ATP5MC3: variants seen among roughly 807,000 people sequenced by gnomAD.
The protein encoded by ATP5MC3 is ATP synthase F(0) complex subunit C3, mitochondrial.
Under a neutral mutation model 15.6 loss-of-function variants are expected in ATP5MC3, and 6 were observed. The ratio of observed to expected loss-of-function variants is 0.38; its 90% CI spans 0.21 to 0.76. The LOEUF is 0.76. ATP5MC3 is among the 30% of genes least tolerant of loss of function. ATP5MC3 has a pLI of 0.44. For synonymous variants in ATP5MC3, 66 were observed against 63.3 expected (o/e 1.04, Z -0.20); for missense variants, 132 against 171.2 (o/e 0.77, Z 1.28).
intron 4 of ATP5MC3, chr2:175,178,610 T>G: frequency 1.6e-6 from 2 of 1,288,212 alleles, no homozygotes; most frequent in Non-Finnish European, 2.0e-6. Flanking sequence ...TATAAATGGT[T>G]AGTTTTCATT....
Position 175,181,455 on chromosome 2 carries a change from C to T in ATP5MC3, c.-62G>A. 3 of 1,599,582 alleles carry T rather than the reference C, an allele frequency of 1.9e-6. No individual in the cohort carries two copies. Among genetic ancestry groups the T allele is most frequent in the South Asian group, 2.2e-5 (2 of 89,242 alleles). ...GGTGACAGGCGACGTGGGCTCCTCTCCCGCTTCCTCTCTGCGGAGGAAAAG... is the reference window on the plus strand; with the variant it reads ...GGTGACAGGCGACGTGGGCTCCTCTTCCGCTTCCTCTCTGCGGAGGAAAAG... On this transcript the variant is annotated 5_prime_UTR_variant, in exon 2 of 5. Coordinates refer to ENST00000284727, the MANE Select transcript of ATP5MC3 (RefSeq NM_001689.5).
At position 175,179,559 on chromosome 2, in the gene ATP5MC3, A is replaced by C. The variant is rs148811634; in HGVS notation, c.121-309T>G. On this transcript the variant is annotated intron_variant, in intron 3 of 4. Coordinates refer to ENST00000284727, the MANE Select transcript of ATP5MC3 (RefSeq NM_001689.5). ...TCTGTCACCCAGGCTGGAGTGCAGT[A>C]CAGTGTGGTGTGATCATAGCTCACT... is the stretch of plus-strand genomic sequence containing the variant. 450 of 282,024 alleles carry C rather than the reference A, an allele frequency of 1.6e-3. 2 individuals carry two copies. Among genetic ancestry groups the C allele is most frequent in the African/African-American group, 9.4e-3 (426 of 45,108 alleles). The allele number at this position is 282,024 out of a possible 1,614,324, so 17.5% of individuals were successfully genotyped here.
rs899121394 is a variant in ATP5MC3, at chr2:175,178,184, G to A, written c.*104C>T. On this transcript the variant is annotated 3_prime_UTR_variant, in exon 5 of 5. Transcript: ENST00000284727. ...TTAATGAAATGACTTTGGAAATAAC[G>A]TACATTCCCATGACACCAATACTAC... is the stretch of plus-strand genomic sequence containing the variant. The A allele has an allele frequency of 6.9e-5, 102 of 1,473,992 alleles. No homozygotes were observed. Among genetic ancestry groups the A allele is most frequent in the South Asian group, 2.0e-4 (13 of 66,612 alleles). The allele number at this position is 1,473,992 out of a possible 1,614,324, so 91.3% of individuals were successfully genotyped here. A position where few individuals can be genotyped will look rare whatever the true frequency, so the allele number is the denominator to read the frequency against.
intron 2 of ATP5MC3, among the ~76,000 whole-genome samples, chr2:175,180,665 T>C (rs1700755992): frequency 6.6e-6 from 1 of 152,158 alleles, no homozygotes; most frequent in African/African-American, 2.4e-5. Context: ...CAATTCTACA[T>C]CAGTTTAAGA....
rs1034137576 is a variant in ATP5MC3, at chr2:175,177,968, A to G, written c.*320T>C. The G allele has an allele frequency of 4.6e-5, 8 of 173,582 alleles. No homozygotes were observed. Among genetic ancestry groups the G allele is most frequent in the Non-Finnish European group, 9.6e-5 (8 of 83,454 alleles). 10.8% of individuals were successfully genotyped at this position (173,582 alleles called of 1,614,324 possible). On this transcript the variant is annotated 3_prime_UTR_variant, in exon 5 of 5. Transcript: ENST00000284727. ...CTTTATATGAATAAACAAAAGCCCT[A>G]TGAATTACAATATGCAGAACACTAT...
chr2:175,181,503 C>T, intron 1 of ATP5MC3, 37 bp from the exon 2 acceptor site: 2 of 1,373,802 alleles, frequency 1.5e-6, no homozygotes, highest in Non-Finnish European at 2.0e-6. Flanking sequence ...AAGTGCCCTC[C>T]AGGGGCCTGT....
At chr2:175,180,004 A>C (rs1237532482) in intron 3 of ATP5MC3, 94 bp downstream of exon 3, 19 of 1,106,518 alleles carry the variant, frequency 1.7e-5, no homozygotes, top group Non-Finnish European at 2.3e-5. Flanking sequence ...ACTTGCCCTC[A>C]AACTCTTATT....
chr2:175,181,640 T>C lies in ATP5MC3; in HGVS notation c.-74+16A>G, dbSNP rs779804913. On this transcript the variant is annotated intron_variant, in intron 1 of 4. Coordinates refer to ENST00000284727, the MANE Select transcript of ATP5MC3 (RefSeq NM_001689.5). Reference sequence around the variant, plus strand: ...TCCGCCCTGGCCAGGCCGGGCTCCCTGTGCCCTCCACTTACCTTCCCAGGA... The same window carrying C: ...TCCGCCCTGGCCAGGCCGGGCTCCCCGTGCCCTCCACTTACCTTCCCAGGA... 102 of 517,722 alleles carry C rather than the reference T, an allele frequency of 2.0e-4. No individual in the cohort carries two copies. The highest frequency in any genetic ancestry group is 3.0e-4 in the Non-Finnish European group (87 of 294,642). The allele number at this position is 517,722 out of a possible 1,614,324, so 32.1% of individuals were successfully genotyped here.
chr2:175,178,504 G>C, intron 4 of ATP5MC3, 102 bp from the exon 5 acceptor site: 1 of 1,462,700 alleles, frequency 6.8e-7, no homozygotes, highest in Non-Finnish European at 9.0e-7. Flanking sequence ...TTTGTAAACT[G>C]AAAAGTCTGC....
chr2:175,178,969 C>T (rs535801164), intron 4 of ATP5MC3, 88 bp downstream of exon 4: 1 of 1,535,716 alleles, frequency 6.5e-7, no homozygotes, highest in East Asian at 2.3e-5. Context: ...AGAGTAAGCA[C>T]TTAATGCAAA....
In ATP5MC3 at chr2:175,181,366, TGCAGGCGAGCTTGGC is replaced by T; in HGVS notation, c.13_27del (p.Ala5_Cys9del). ...CCTGGGCTACGCACCAGAGAGGGGG[TGCAGGCGAGCTTGGC>T]GCAGGCGAACATCTTACACTCTTCG... On this transcript the variant is annotated inframe_deletion, in exon 2 of 5. Transcript: ENST00000284727. The T allele has an allele frequency of 6.2e-7, 1 of 1,613,580 alleles. No individual in the cohort carries two copies. The highest frequency in any genetic ancestry group is 8.5e-7 in the Non-Finnish European group (1 of 1,179,852).
chr2:175,181,360 A>G lies in ATP5MC3; in HGVS notation c.34T>C (p.Ser12Pro). 1.2e-6 allele frequency: 2 copies of G among 1,613,722 alleles called. No individual in the cohort carries two copies. The highest frequency in any genetic ancestry group is 1.7e-6 in the Non-Finnish European group (2 of 1,179,866). ...ACCCTGCCTGGGCTACGCACCAGAG[A>G]GGGGGTGCAGGCGAGCTTGGCGCAG... ...FACAKLACTP[S>P]LIRAGSRVAY... is the part of the protein sequence containing the mutation. Residue 12 changes from serine (S) to proline (P), a missense_variant, in exon 2 of 5, where the codon TCT (serine) becomes CCT (proline). Around this residue, in one of 2 missense-constraint regions of ATP5MC3, gnomAD observed 90 missense variants for 86.2 expected, o/e 1.04. Transcript: ENST00000284727.
rs268222 is a variant in ATP5MC3 at position 175,177,235 on chromosome 2, A to T, written c.*1053T>A. On this transcript the variant is annotated 3_prime_UTR_variant, in exon 5 of 5. Coordinates refer to ENST00000284727, the MANE Select transcript of ATP5MC3 (RefSeq NM_001689.5). ...TTTAAACAAGCACTGATTCTGATGG[A>T]GGTGGTCTTCCGACACTTGAGGAAC... 0.99 allele frequency: 150,156 copies of T among 152,284 alleles called. 74,056 individuals carry two copies. Among genetic ancestry groups the T allele is most frequent in the East Asian group, 1 (5,190 of 5,190 alleles). 9.4% of individuals were successfully genotyped at this position (152,284 alleles called of 1,614,324 possible). A position where few individuals can be genotyped will look rare whatever the true frequency, so the allele number is the denominator to read the frequency against.
chr2:175,181,473 A>G lies in ATP5MC3; in HGVS notation c.-73-7T>C. On this transcript the variant is annotated splice_region_variant and splice_polypyrimidine_tract_variant and intron_variant, in intron 1 of 4. Coordinates refer to ENST00000284727, the MANE Select transcript of ATP5MC3 (RefSeq NM_001689.5). Reference sequence around the variant, plus strand: ...CTCCTCTCCCGCTTCCTCTCTGCGGAGGAAAAGAGGCTTAAGGTCAAGTGC... The same window carrying G: ...CTCCTCTCCCGCTTCCTCTCTGCGGGGGAAAAGAGGCTTAAGGTCAAGTGC... 1.3e-6 allele frequency: 2 copies of G among 1,568,562 alleles called. 1 individual carries two copies. The highest frequency in any genetic ancestry group is 2.3e-5 in the South Asian group (2 of 86,842).
At chr2:175,180,377 G>A (rs1375818045) in intron 2 of ATP5MC3, among the ~76,000 whole-genome samples, 199 bp from the exon 3 acceptor site, 2 of 152,094 alleles carry the variant, frequency 1.3e-5, no homozygotes, top group African/African-American at 2.4e-5. Flanking sequence ...AAATTGTAAC[G>A]CTTGCTACCT....
chr2:175,179,733 G>A (rs910822686), intron 3 of ATP5MC3: 4 of 209,740 alleles, frequency 1.9e-5, no homozygotes, highest in Non-Finnish European at 3.7e-5. Context: ...TTGAACTCCT[G>A]GGGTCAAGCA....
intron 1 of ATP5MC3, 65 bp from the exon 2 acceptor site, chr2:175,181,531 C>T (rs1700773435): frequency 3.0e-6 from 3 of 992,586 alleles, no homozygotes; most frequent in Non-Finnish European, 4.4e-6. Context: ...ACCCAGGCCC[C>T]GCAGGCTCCC....
At chr2:175,181,303 T>C (rs1197987557) in intron 2 of ATP5MC3, 52 bp downstream of exon 2, 20 of 1,596,446 alleles carry the variant, frequency 1.3e-5, no homozygotes, top group Non-Finnish European at 1.6e-5. Context: ...GTGGACGCTC[T>C]AGGCCAAAAC....
chr2:175,181,399 A>C lies in ATP5MC3; in HGVS notation c.-6T>G, dbSNP rs750114777. ...AGCTTGGCGCAGGCGAACATCTTAC[A>C]CTCTTCGGGACTGCGCGGCTGGAGA... is the stretch of plus-strand genomic sequence containing the variant. On this transcript the variant is annotated 5_prime_UTR_variant, in exon 2 of 5. Coordinates refer to ENST00000284727, the MANE Select transcript of ATP5MC3 (RefSeq NM_001689.5). 2 of 1,613,194 alleles carry C rather than the reference A, an allele frequency of 1.2e-6. No individual in the cohort carries two copies. Among genetic ancestry groups the C allele is most frequent in the East Asian group, 4.5e-5 (2 of 44,790 alleles).
Sources: gnomAD v4.1 joint callset for allele counts (sites outside exome capture counted in the v4.1 genomes callset) on GRCh38, gnomAD v4.1.1 for gene constraint, gnomAD v4.1.1 regional missense constraint, MANE v1.5 for transcripts, NCBI Gene and HGNC (gene_info 2026-07-23, HGNC 2026-07-21) for gene names.